The following MACF1 variants were observed in gnomAD, a reference collection of about 807,000 sequenced individuals.
MACF1 encodes the protein microtubule actin crosslinking factor 1.
In MACF1, 193 loss-of-function variants were observed where a neutral mutation model predicts 854.8. The ratio of observed to expected loss-of-function variants is 0.23; its 90% CI spans 0.20 to 0.25. MACF1 has a LOEUF of 0.25. Among genes scored for constraint, MACF1 ranks in the 10% least tolerant of loss-of-function variants. MACF1 has a pLI of 1.00. For missense variants in MACF1, 7,722 were observed against 8,929.1 expected (o/e 0.86, Z 5.45); for synonymous variants, 3,185 against 3,226.7 (o/e 0.99, Z 0.44).
chr1:39,346,218 C>T (rs1466957026), intron 40 of MACF1, among the ~76,000 whole-genome samples: 4 of 151,812 alleles, frequency 2.6e-5, no homozygotes, highest in Admixed American at 6.6e-5. Context: ...AAAAATTAGC[C>T]GGGCATGGTG....
chr1:39,179,509 C>G (rs1644076055), intron 2 of MACF1, among the ~76,000 whole-genome samples: 1 of 152,072 alleles, frequency 6.6e-6, no homozygotes, highest in African/African-American at 2.4e-5. Context: ...GTTTCCTGTT[C>G]TGTAAAATGG....
Position 39,477,080 on chromosome 1 carries a change from TATATATATATAC to T in MACF1, c.21959-2716_21959-2705del, listed in dbSNP as rs1290380754. On this transcript the variant is annotated intron_variant, in intron 97 of 100. Transcript: ENST00000564288. Reference sequence around the variant, plus strand: ...ATATATATATATATATATATATATATATATATATATACACACACACACATATATACACTTAGT... The same window carrying T: ...ATATATATATATATATATATATATATACACACACACATATATACACTTAGT... Among the ~76,000 whole-genome samples, 29 of 13,820 alleles carry T rather than the reference TATATATATATAC, an allele frequency of 2.1e-3. No homozygotes were observed. In the East Asian group the frequency reaches 0.031, roughly 15 times the overall value. 9.1% of individuals were successfully genotyped at this position (13,820 alleles called of 152,430 possible). A position where few individuals can be genotyped will look rare whatever the true frequency, so the allele number is the denominator to read the frequency against.
At chr1:39,393,865 GAA>G (rs770938016) in intron 58 of MACF1, among the ~76,000 whole-genome samples, 60 of 140,390 alleles carry the variant, frequency 4.3e-4, no homozygotes, top group Non-Finnish European at 7.2e-4. Flanking sequence ...GAGAGAGAGA[GAA>G]AGAAAGAGAG....
At chr1:39,483,072 G>A (rs1645042477) in intron 99 of MACF1, among the ~76,000 whole-genome samples, 2 of 107,140 alleles carry the variant, frequency 1.9e-5, no homozygotes, top group Non-Finnish European at 3.4e-5. Flanking sequence ...GGGTGATGGA[G>A]CAAGACTCTG....
chr1:39,089,718 A>G (rs984499426), intron 2 of MACF1, among the ~76,000 whole-genome samples: 2 of 79,754 alleles, frequency 2.5e-5, no homozygotes, highest in Admixed American at 1.1e-4. Flanking sequence ...CATTCATTCA[A>G]TAAAAAAAAT....
At chr1:39,260,366 T>C (rs952109936) in intron 6 of MACF1, 2 of 151,602 alleles carry the variant, frequency 1.3e-5, no homozygotes, top group African/African-American at 4.8e-5. Flanking sequence ...CTTTTTCTTT[T>C]CTTTTTTTTT....
At position 39,283,965 on chromosome 1, in the gene MACF1, G is replaced by A. The variant is rs777728777; in HGVS notation, c.916-101G>A. 1.1e-4 allele frequency: 151 copies of A among 1,326,836 alleles called. 1 individual carries two copies. The highest frequency in any genetic ancestry group is 4.2e-4 in the Admixed American group (20 of 47,260). The allele number at this position is 1,326,836 out of a possible 1,614,324, so 82.2% of individuals were successfully genotyped here. ...CTGAGCAGCATCTAGGCAATTAAAGGAAATGGATTTTATATAGTTTGGAGT... is the reference window on the plus strand; with the variant it reads ...CTGAGCAGCATCTAGGCAATTAAAGAAAATGGATTTTATATAGTTTGGAGT... On this transcript the variant is annotated intron_variant, in intron 9 of 100. Transcript: ENST00000564288. The surrounding 1 kb of genome is among the most constrained non-coding windows in gnomAD (Gnocchi z 4.5).
rs767984315 is a variant in MACF1, at chr1:39,479,988, C to G, written c.22149C>G (p.Ala7383=). 2 of 1,580,936 alleles carry G rather than the reference C, an allele frequency of 1.3e-6. No homozygotes were observed. Among genetic ancestry groups the G allele is most frequent in the African/African-American group, 2.7e-5 (2 of 73,500 alleles). ...GTACATCCATGCCATCTTCTCCAGCCACCCCAGCCAGTGGAACCAAGGTAT... is the reference window on the plus strand; with the variant it reads ...GTACATCCATGCCATCTTCTCCAGCGACCCCAGCCAGTGGAACCAAGGTAT... ...HSCTSMPSSP[A]TPASGTKTSL... The change falls in exon 98 of 101, where the codon GCC becomes GCG. Residue 7383 remains alanine (A), a synonymous_variant. Transcript: ENST00000564288.
intron 2 of MACF1, among the ~76,000 whole-genome samples, chr1:39,104,668 G>C (rs1321429302): frequency 6.6e-6 from 1 of 152,122 alleles, no homozygotes; most frequent in Non-Finnish European, 1.5e-5. Context: ...GTGCCTCCCT[G>C]GGTTGTCATT....
chr1:39,164,137 T>G (rs1169761055), intron 2 of MACF1, among the ~76,000 whole-genome samples: 1 of 152,222 alleles, frequency 6.6e-6, no homozygotes, highest in Non-Finnish European at 1.5e-5. Context: ...TTTAACATAC[T>G]CCAGTAGCGG....
intron 2 of MACF1, among the ~76,000 whole-genome samples, chr1:39,085,151 T>C (rs12094244): frequency 0.041 from 6,302 of 152,284 alleles, 450 homozygotes; most frequent in African/African-American, 0.14. Flanking sequence ...ACTGACCAAC[T>C]GTGTGACTCT....
intron 2 of MACF1, among the ~76,000 whole-genome samples, chr1:39,130,876 T>G (rs1235670094): frequency 6.6e-6 from 1 of 151,878 alleles, no homozygotes; most frequent in East Asian, 1.9e-4. Flanking sequence ...AGTTTGCTCT[T>G]GTTGCCCAAG....
intron 6 of MACF1, among the ~76,000 whole-genome samples, chr1:39,266,740 C>A (rs551549929): frequency 4.6e-5 from 7 of 151,472 alleles, no homozygotes; most frequent in Middle Eastern, 3.4e-3. Context: ...GAATAAATAA[C>A]TGCAATAGGA....
intron 2 of MACF1, among the ~76,000 whole-genome samples, chr1:39,143,911 T>C (rs979390336): frequency 1.3e-5 from 2 of 150,662 alleles, no homozygotes; most frequent in Non-Finnish European, 3.0e-5. Flanking sequence ...CCTCAGCCTC[T>C]GGAGTAGCTG....
Position 39,424,078 on chromosome 1 carries a change from A to G in MACF1, c.16200A>G (p.Gln5400=), listed in dbSNP as rs1285802965. The G allele has an allele frequency of 3.7e-6, 6 of 1,612,316 alleles. No individual in the cohort carries two copies. The highest frequency in any genetic ancestry group is 2.7e-5 in the African/African-American group (2 of 74,378). The change falls in exon 61 of 101, where the codon CAA becomes CAG. Residue 5400 remains glutamine (Q), a synonymous_variant. Transcript: ENST00000564288. ...DDRKATVDML[Q]AEGGRIAQSA... The stretch of plus-strand genomic sequence containing the variant: ...GAAAGGCCACAGTAGACATGCTTCA[A>G]GCAGAAGGAGGCAGAATAGCCCAGT...
intron 80 of MACF1, among the ~76,000 whole-genome samples, chr1:39,446,341 T>C (rs1473210864): frequency 2.0e-5 from 3 of 151,678 alleles, no homozygotes; most frequent in Non-Finnish European, 4.4e-5. Flanking sequence ...ATAAAGAATA[T>C]GTGGATAGAA....
chr1:39,290,476 T>C (rs1340027011), intron 15 of MACF1, among the ~76,000 whole-genome samples: 5 of 152,128 alleles, frequency 3.3e-5, no homozygotes, highest in Non-Finnish European at 7.4e-5. Context: ...ATTCCTCCAG[T>C]TTTGTTCTTT....
Position 39,204,927 on chromosome 1 carries a change from A to T in MACF1, c.-96A>T. 1 of 667,606 alleles carries T rather than the reference A, an allele frequency of 1.5e-6. No individual in the cohort carries two copies. Among genetic ancestry groups the T allele is most frequent in the South Asian group, 1.6e-5 (1 of 61,572 alleles). 41.4% of individuals were successfully genotyped at this position (667,606 alleles called of 1,614,324 possible). On this transcript the variant is annotated 5_prime_UTR_variant, in exon 1 of 101. Transcript: ENST00000564288. ...TAAGCTCCGGCCTCTGCCTCTGCTG[A>T]TAGTACAGGACAACAGTAACCTCAG... is the stretch of plus-strand genomic sequence containing the variant.
Position 39,317,295 on chromosome 1 carries a change from G to A in MACF1, c.3670G>A (p.Glu1224Lys), listed in dbSNP as rs1646431000. Residue 1224 changes from glutamate (E) to lysine (K), a missense_variant, in exon 29 of 101, where the codon GAG becomes AAG. Transcript: ENST00000564288. ...AATTGCCAAGGCCAAGGTAGTGGCA[G>A]AGCAGATGAGTCGTCTGACACCAGA... is the stretch of plus-strand genomic sequence containing the variant. ...EEIAKAKVVA[E>K]QMSRLTPERN... 1 of 1,614,104 alleles carries A rather than the reference G, an allele frequency of 6.2e-7. No individual in the cohort carries two copies. The highest frequency in any genetic ancestry group is 8.5e-7 in the Non-Finnish European group (1 of 1,180,020).
Sources: allele counts gnomAD v4.1 joint callset (sites outside exome capture counted in the v4.1 genomes callset), GRCh38; gene constraint gnomAD v4.1.1; non-coding constraint Gnocchi (gnomAD v3.1); transcripts MANE v1.5; gene names NCBI Gene and HGNC (gene_info 2026-07-23, HGNC 2026-07-21).